Variants in DPH6 observed in about 807,000 individuals in gnomAD.
The protein encoded by DPH6 is diphthine--ammonia ligase.
In DPH6, 33 loss-of-function variants were observed where a neutral mutation model predicts 38.2. That is an observed-to-expected ratio of 0.86 (90% CI 0.65 to 1.15). DPH6 has a LOEUF of 1.15. DPH6 is among the 50% of genes most tolerant of loss of function. DPH6 has a pLI of 0.00. For missense variants in DPH6, 325 were observed against 320.0 expected, an observed-to-expected ratio of 1.02 and a Z score of -0.12; for synonymous variants, 108 against 103.0, an observed-to-expected ratio of 1.05 and a Z score of -0.30.
At chr15:35,366,228 TTG>T (rs10525441), downstream of DPH6, among the ~76,000 whole-genome samples, 68,648 of 144,104 alleles carry the variant, frequency 0.48, 19,117 homozygotes, top group East Asian at 0.66. Flanking sequence ...TTTAGTCATC[TTG>T]TGTGTGTGTG....
At chr15:35,322,553 A>G (rs1385312058) in intron 3 of DPH6, among the ~76,000 whole-genome samples, 1 of 152,056 alleles carries the variant, frequency 6.6e-6, no homozygotes, top group African/African-American at 2.4e-5. Context: ...TATTATTTAA[A>G]ATTTCCTTTC....
At chr15:35,375,596 C>T (rs1199033294) in intron 7 of DPH6, among the ~76,000 whole-genome samples, 1 of 152,130 alleles carries the variant, frequency 6.6e-6, no homozygotes, top group Non-Finnish European at 1.5e-5. Flanking sequence ...AAATGCTCCC[C>T]AGCTGGCTGT....
intron 5 of DPH6, among the ~76,000 whole-genome samples, chr15:35,436,223 T>C (rs2053699191): frequency 6.6e-6 from 1 of 151,868 alleles, no homozygotes; most frequent in Non-Finnish European, 1.5e-5. Context: ...TCCCAGCACT[T>C]TGGGAGGCCA....
At chr15:35,416,694 T>C (rs74770750) in intron 5 of DPH6, among the ~76,000 whole-genome samples, 2 of 152,206 alleles carry the variant, frequency 1.3e-5, no homozygotes, top group South Asian at 4.1e-4. Context: ...CTGAATACTT[T>C]ATCTGAGCAC....
intron 3 of DPH6, among the ~76,000 whole-genome samples, chr15:35,247,912 C>A (rs1452674382): frequency 6.6e-6 from 1 of 152,030 alleles, no homozygotes; most frequent in African/African-American, 2.4e-5. Flanking sequence ...TATTACAGAG[C>A]CAAGCCTGGA....
chr15:35,361,304 T>C (rs928701353), intron 3 of DPH6, among the ~76,000 whole-genome samples: 1 of 152,188 alleles, frequency 6.6e-6, no homozygotes, highest in African/African-American at 2.4e-5. Flanking sequence ...TGCCAAGTTA[T>C]TGTTAATATT....
chr15:35,341,460 G>A (rs1381971486), intron 3 of DPH6, among the ~76,000 whole-genome samples: 1 of 152,112 alleles, frequency 6.6e-6, no homozygotes, highest in Non-Finnish European at 1.5e-5. Context: ...GGCATTTTTA[G>A]TTTTCAGTGT....
chr15:35,428,359 G>A (rs749796453), intron 5 of DPH6, among the ~76,000 whole-genome samples: 3 of 151,870 alleles, frequency 2.0e-5, no homozygotes, highest in Non-Finnish European at 4.4e-5. Context: ...ATTATCTAAT[G>A]GAGGCAAATC....
intron 5 of DPH6, among the ~76,000 whole-genome samples, chr15:35,445,754 C>T (rs1299529313): frequency 6.6e-6 from 1 of 152,194 alleles, no homozygotes; most frequent in African/African-American, 2.4e-5. Context: ...ATCATAACTG[C>T]ATAAAATTCA....
chr15:35,251,482 C>A (rs998352234), intron 3 of DPH6, among the ~76,000 whole-genome samples: 1 of 152,190 alleles, frequency 6.6e-6, no homozygotes, highest in East Asian at 1.9e-4. Flanking sequence ...CACAACAATT[C>A]TCTGCTCGCT....
chr15:35,395,276 T>C (rs2053116104), intron 6 of DPH6, among the ~76,000 whole-genome samples: 1 of 152,158 alleles, frequency 6.6e-6, no homozygotes, highest in Non-Finnish European at 1.5e-5. Flanking sequence ...TTAAATACCG[T>C]GAGCTCTCAC....
At chr15:35,204,257 GA>G in the DPH6 span, among the ~76,000 whole-genome samples, 5 of 151,472 alleles carry the variant, frequency 3.3e-5, no homozygotes, top group African/African-American at 9.7e-5. Flanking sequence ...TTAAGGCTTG[GA>G]AAAAAAATTT....
chr15:35,517,603 T>G (rs1489991064), intron 3 of DPH6, among the ~76,000 whole-genome samples: 2 of 152,098 alleles, frequency 1.3e-5, no homozygotes, highest in Non-Finnish European at 2.9e-5. Context: ...TCCTTCTTTA[T>G]AGTGATAAAA....
intron 3 of DPH6, among the ~76,000 whole-genome samples, chr15:35,325,258 G>A (rs915511729): frequency 6.6e-6 from 1 of 151,954 alleles, no homozygotes; most frequent in Non-Finnish European, 1.5e-5. Context: ...AATGCAAAGG[G>A]TTAAAAAATA....
intron 6 of DPH6, among the ~76,000 whole-genome samples, chr15:35,386,548 G>C (rs1038877374): frequency 6.6e-6 from 1 of 152,328 alleles, no homozygotes; most frequent in East Asian, 1.9e-4. Flanking sequence ...TAACTGGTGT[G>C]AGATGGTATC....
At chr15:35,319,789 A>G (rs1187167631) in intron 3 of DPH6, among the ~76,000 whole-genome samples, 2 of 151,538 alleles carry the variant, frequency 1.3e-5, no homozygotes, top group Non-Finnish European at 2.9e-5. Flanking sequence ...AATATATAAT[A>G]AAACATATTT....
intron 5 of DPH6, among the ~76,000 whole-genome samples, chr15:35,446,758 A>G (rs74008095): frequency 0.21 from 32,644 of 151,982 alleles, 4,559 homozygotes; most frequent in African/African-American, 0.4. Context: ...TCAAGGGACA[A>G]CTGGATAGCC....
chr15:35,450,934 A>T (rs2053925141), intron 4 of DPH6, 131 bp from the exon 5 acceptor site: 3 of 661,752 alleles, frequency 4.5e-6, no homozygotes, highest in Non-Finnish European at 7.4e-6. Flanking sequence ...TTTTAAAAAC[A>T]TATTTTGCAT....
chr15:35,471,368 T>C (rs1205615581), intron 3 of DPH6, among the ~76,000 whole-genome samples: 2 of 152,154 alleles, frequency 1.3e-5, no homozygotes, highest in Non-Finnish European at 2.9e-5. Flanking sequence ...TTCACTGCAG[T>C]GCTCCTAAAT....
Sources: allele counts gnomAD v4.1 joint callset (sites outside exome capture counted in the v4.1 genomes callset), GRCh38; gene constraint gnomAD v4.1.1; transcripts MANE v1.5; gene names NCBI Gene and HGNC (gene_info 2026-07-23, HGNC 2026-07-21).